AGMO: variants seen among roughly 807,000 people sequenced by gnomAD.
AGMO encodes the protein glyceryl-ether monooxygenase.
AGMO carries 75 observed loss-of-function variants against 60.2 expected under a neutral mutation model. The observed-to-expected ratio is 1.25, with a 90% CI of 1.03 to 1.51. The LOEUF (loss-of-function observed/expected upper bound fraction) is 1.51. Ranked by LOEUF, AGMO falls within the 40% of genes most tolerant of loss-of-function variation. The probability of loss-of-function intolerance (pLI) is 0.00; values close to 1 mark genes in which losing one functional copy is unlikely to be tolerated. For synonymous variants in AGMO, 261 were observed against 177.1 expected (o/e 1.47, Z -3.76); for missense variants, 763 against 525.5 (o/e 1.45, Z -4.42).
intron 3 of AGMO, among the ~76,000 whole-genome samples, chr7:15,455,267 G>T (rs1781972018): frequency 6.6e-6 from 1 of 152,076 alleles, no homozygotes; most frequent in South Asian, 2.1e-4. Context: ...TTTGGTTTAT[G>T]TTGGTTTGTT....
At chr7:15,371,755 C>A (rs1583470202) in intron 10 of AGMO, among the ~76,000 whole-genome samples, 1 of 151,792 alleles carries the variant, frequency 6.6e-6, no homozygotes, top group East Asian at 1.9e-4. Context: ...ATTGTCCAGG[C>A]TGGTCTCAAA....
chr7:15,435,432 T>G (rs988953708), intron 3 of AGMO, among the ~76,000 whole-genome samples: 5 of 152,108 alleles, frequency 3.3e-5, no homozygotes, highest in African/African-American at 1.2e-4. Context: ...ATAATAGGTA[T>G]GCAGTGGTAT....
In AGMO at chr7:15,529,758, A is replaced by AC. The variant is rs1225081176; in HGVS notation, c.409+15013_409+15014insG. ...ATATTCTATATATATATTTCTATATATATATTTCTCTATATATATTTCTCT... is the reference window on the plus strand; with the variant it reads ...ATATTCTATATATATATTTCTATATACTATATTTCTCTATATATATTTCTCT... On this transcript the variant is annotated intron_variant, in intron 3 of 12. Transcript: ENST00000342526. Among the ~76,000 whole-genome samples the AC allele has an allele frequency of 3.5e-4, 40 of 113,674 alleles. 5 individuals carry two copies. The highest frequency in any genetic ancestry group is 1.3e-3 in the African/African-American group (39 of 28,890). The allele number at this position is 113,674 out of a possible 152,430, so 74.6% of individuals were successfully genotyped here.
chr7:15,517,639 G>A (rs1250411225), intron 3 of AGMO, among the ~76,000 whole-genome samples: 4 of 151,996 alleles, frequency 2.6e-5, no homozygotes, highest in African/African-American at 9.7e-5. Context: ...CAGCCCAGAC[G>A]CTATGCTTTT....
chr7:15,277,261 T>C (rs896823191), intron 12 of AGMO, among the ~76,000 whole-genome samples: 1 of 151,874 alleles, frequency 6.6e-6, no homozygotes, highest in Non-Finnish European at 1.5e-5. Flanking sequence ...GTACAGATCA[T>C]GCCATTGCAC....
chr7:15,215,352 C>CT (rs1382221321), intron 12 of AGMO, among the ~76,000 whole-genome samples: 1 of 151,798 alleles, frequency 6.6e-6, no homozygotes, highest in Non-Finnish European at 1.5e-5. Flanking sequence ...TTTTATTTTT[C>CT]TTTTTTTTCC....
chr7:15,223,738 CTTTA>C (rs1781989899), intron 12 of AGMO, among the ~76,000 whole-genome samples: 1 of 151,876 alleles, frequency 6.6e-6, no homozygotes, highest in Non-Finnish European at 1.5e-5. Context: ...TTTCCTATAT[CTTTA>C]TTAATACCTG....
At chr7:15,405,762 T>A (rs1024756855) in intron 5 of AGMO, among the ~76,000 whole-genome samples, 1 of 151,886 alleles carries the variant, frequency 6.6e-6, no homozygotes, top group African/African-American at 2.4e-5. Flanking sequence ...TCTAAGTAAG[T>A]TTAGCAAATA....
intron 12 of AGMO, among the ~76,000 whole-genome samples, chr7:15,288,603 A>C (rs946503964): frequency 6.6e-6 from 1 of 152,104 alleles, no homozygotes; most frequent in East Asian, 1.9e-4. Context: ...TGAAAGGAGA[A>C]AGAATCCTAT....
intron 12 of AGMO, among the ~76,000 whole-genome samples, chr7:15,274,168 G>T (rs777930896): frequency 3.9e-5 from 6 of 152,154 alleles, no homozygotes; most frequent in Admixed American, 2.0e-4. Context: ...TGTTGAAAAG[G>T]AGTGGTGAGA....
chr7:15,123,917 T>G, the AGMO span, among the ~76,000 whole-genome samples: 1 of 152,122 alleles, frequency 6.6e-6, no homozygotes, highest in African/African-American at 2.4e-5. Context: ...GACAGGTTTC[T>G]TACTCAGATA....
At position 15,537,601 on chromosome 7, in the gene AGMO, T is replaced by C. The variant is rs532695999; in HGVS notation, c.409+7171A>G. On this transcript the variant is annotated intron_variant, in intron 3 of 12. Transcript: ENST00000342526. ...ATTATTCCTGGAAATATTTCTATAC[T>C]TTACAATCAATGTTCAAAAATAGAC... Among the ~76,000 whole-genome samples, 39 of 152,236 alleles carry C rather than the reference T, an allele frequency of 2.6e-4. No homozygotes were observed. In the South Asian group the frequency reaches 2.7e-3, roughly 11 times the overall value.
rs1563053817 is a variant in AGMO, at chr7:15,248,203, T to TAC, written c.1264-46845_1264-46844insGT. Among the ~76,000 whole-genome samples the TAC allele has an allele frequency of 6.3e-5, 6 of 94,556 alleles. 2 individuals are homozygous for TAC. Among genetic ancestry groups the TAC allele is most frequent in the African/African-American group, 1.2e-4 (3 of 25,206 alleles). The allele number at this position is 94,556 out of a possible 152,430, so 62.0% of individuals were successfully genotyped here. A position where few individuals can be genotyped will look rare whatever the true frequency, so the allele number is the denominator to read the frequency against. On this transcript the variant is annotated intron_variant, in intron 12 of 12. Transcript: ENST00000342526. Reference sequence around the variant, plus strand: ...CCATATATATATATATATATATATATATATATATATATATATATATATCTT... The same window carrying TAC: ...CCATATATATATATATATATATATATACATATATATATATATATATATATCTT...
At chr7:15,183,661 A>G in the AGMO span, among the ~76,000 whole-genome samples, 6 of 152,226 alleles carry the variant, frequency 3.9e-5, no homozygotes, top group Non-Finnish European at 7.3e-5. Flanking sequence ...CCTCAACTGT[A>G]AGATGGAAGT....
chr7:15,267,749 T>C lies in AGMO; in HGVS notation c.1264-66390A>G, dbSNP rs532036139. Among the ~76,000 whole-genome samples, 172 of 152,080 alleles carry C rather than the reference T, an allele frequency of 1.1e-3. 1 individual carries two copies. The highest frequency in any genetic ancestry group is 2.5e-3 in the African/African-American group (105 of 41,536). On this transcript the variant is annotated intron_variant, in intron 12 of 12. Coordinates refer to ENST00000342526, the MANE Select transcript of AGMO (RefSeq NM_001004320.2). ...AACTGGAACATTGAAGAGCAGTGATTACACAAGCTGAAGGGAAAAACTTGT... is the reference window on the plus strand; with the variant it reads ...AACTGGAACATTGAAGAGCAGTGATCACACAAGCTGAAGGGAAAAACTTGT...
chr7:15,290,671 T>C (rs1583369830), intron 12 of AGMO, among the ~76,000 whole-genome samples: 1 of 152,164 alleles, frequency 6.6e-6, no homozygotes, highest in South Asian at 2.1e-4. Context: ...TTGGTGAATG[T>C]CTTATAGATA....
chr7:15,374,555 C>T (rs1348756330), intron 10 of AGMO, among the ~76,000 whole-genome samples: 1 of 151,832 alleles, frequency 6.6e-6, no homozygotes, highest in Non-Finnish European at 1.5e-5. Context: ...GAATGTGTAC[C>T]TGATAAGATA....
chr7:15,516,638 T>C (rs1231384876), intron 3 of AGMO, among the ~76,000 whole-genome samples: 1 of 152,250 alleles, frequency 6.6e-6, no homozygotes, highest in Non-Finnish European at 1.5e-5. Flanking sequence ...TGTAACCTTA[T>C]ACATCTGTTG....
intron 3 of AGMO, among the ~76,000 whole-genome samples, chr7:15,468,377 C>A (rs1479273449): frequency 3.9e-5 from 6 of 152,068 alleles, no homozygotes; most frequent in Non-Finnish European, 1.5e-5. Context: ...TCAAAGCAAA[C>A]TCACTTACAT....
Sources: gnomAD v4.1 joint callset for allele counts (sites outside exome capture counted in the v4.1 genomes callset) on GRCh38, gnomAD v4.1.1 for gene constraint, MANE v1.5 for transcripts, NCBI Gene and HGNC (gene_info 2026-07-23, HGNC 2026-07-21) for gene names.